The following CREB5 variants were observed in gnomAD, a reference collection of about 807,000 sequenced individuals.
CREB5 encodes cAMP responsive element binding protein 5.
In CREB5, 19 loss-of-function variants were observed where a neutral mutation model predicts 57.1. The ratio of observed to expected loss-of-function variants is 0.33; its 90% CI spans 0.23 to 0.49. The LOEUF is 0.49. Ranked by LOEUF, CREB5 falls within the 20% of genes least tolerant of loss-of-function variation. The pLI is 0.99. For synonymous variants in CREB5, 238 were observed against 238.3 expected, an observed-to-expected ratio of 1.00 and a Z score of 0.01; for missense variants, 579 against 671.6, an observed-to-expected ratio of 0.86 and a Z score of 1.52.
Position 28,561,001 on chromosome 7 carries a change from T to TGTGTGC in CREB5, c.292-9361_292-9360insTGCGTG, listed in dbSNP as rs1562798396. Among the ~76,000 whole-genome samples the TGTGTGC allele has an allele frequency of 2.0e-3, 51 of 25,258 alleles. 3 individuals are homozygous for TGTGTGC. Among genetic ancestry groups the TGTGTGC allele is most frequent in the Middle Eastern group, 0.021 (1 of 48 alleles). 16.6% of individuals were successfully genotyped at this position (25,258 alleles called of 152,430 possible). On this transcript the variant is annotated intron_variant, in intron 4 of 10. Coordinates refer to ENST00000357727, the MANE Select transcript of CREB5 (RefSeq NM_182898.4). ...GTGTGCGTGCGTGTGTGTGCCTGCGTGTGCGTGTGTGTGTGCGTGTGTGCG... is the reference window on the plus strand; with the variant it reads ...GTGTGCGTGCGTGTGTGTGCCTGCGTGTGTGCGTGCGTGTGTGTGTGCGTGTGTGCG...
chr7:28,499,558 A>G (rs899404992), intron 3 of CREB5, among the ~76,000 whole-genome samples: 3 of 152,154 alleles, frequency 2.0e-5, no homozygotes, highest in African/African-American at 7.2e-5. Context: ...CCTAAGAAAG[A>G]TAAGAAAGAC....
intron 1 of CREB5, among the ~76,000 whole-genome samples, chr7:28,442,412 G>A (rs149513504): frequency 2.0e-5 from 3 of 152,224 alleles, no homozygotes; most frequent in East Asian, 3.9e-4. Context: ...TGGGGGTGCA[G>A]GTGTCCCTTT....
At chr7:28,701,604 T>C (rs1801864667) in intron 5 of CREB5, among the ~76,000 whole-genome samples, 1 of 152,186 alleles carries the variant, frequency 6.6e-6, no homozygotes, top group African/African-American at 2.4e-5. Flanking sequence ...GGGGTATATA[T>C]TTCTATCTAA....
At chr7:28,730,342 C>T (rs1004204650) in intron 7 of CREB5, among the ~76,000 whole-genome samples, 6 of 142,914 alleles carry the variant, frequency 4.2e-5, no homozygotes, top group African/African-American at 1.6e-4. Context: ...GATGCGCCAC[C>T]ACACCCAGAT....
At chr7:28,463,357 A>G (rs570935232) in intron 1 of CREB5, among the ~76,000 whole-genome samples, 82 of 152,260 alleles carry the variant, frequency 5.4e-4, no homozygotes, top group Non-Finnish European at 9.4e-4. Context: ...TTGAAATCAG[A>G]ATGTGTGAAT....
upstream of CREB5, chr7:28,410,021 A>G (rs1460272430): frequency 1.1e-5 from 5 of 451,022 alleles, no homozygotes; most frequent in South Asian, 6.3e-5. Context: ...GAAAGTTTGC[A>G]AACTTCCAGC....
intron 7 of CREB5, among the ~76,000 whole-genome samples, chr7:28,803,525 G>A (rs575493168): frequency 5.3e-5 from 8 of 152,232 alleles, no homozygotes; most frequent in East Asian, 1.9e-4. Flanking sequence ...TTAGGAGGCC[G>A]AGGCAGATGG....
intron 4 of CREB5, among the ~76,000 whole-genome samples, chr7:28,549,699 GT>G (rs910930188): frequency 2.0e-4 from 30 of 147,602 alleles, no homozygotes; most frequent in East Asian, 1.2e-3. Flanking sequence ...CTGGATGCCT[GT>G]TTTTTTTTTA....
At chr7:28,673,719 C>T (rs572421250) in intron 5 of CREB5, among the ~76,000 whole-genome samples, 66 of 120,230 alleles carry the variant, frequency 5.5e-4, no homozygotes, top group African/African-American at 2.0e-3. Flanking sequence ...GCCACCCAGG[C>T]GGGAGTGCAG....
intron 1 of CREB5, among the ~76,000 whole-genome samples, chr7:28,370,315 C>T (rs1253578695): frequency 6.6e-6 from 1 of 152,170 alleles, no homozygotes; most frequent in Non-Finnish European, 1.5e-5. Context: ...AAATACTCAA[C>T]ATCTCTCTGC....
chr7:28,796,507 T>C (rs889575406), intron 7 of CREB5, among the ~76,000 whole-genome samples: 2 of 152,216 alleles, frequency 1.3e-5, no homozygotes, highest in Admixed American at 1.3e-4. Context: ...TGTATATCTT[T>C]ATGGTTTACA....
chr7:28,603,950 T>C (rs1320388242), intron 5 of CREB5, among the ~76,000 whole-genome samples: 1 of 152,178 alleles, frequency 6.6e-6, no homozygotes, highest in Non-Finnish European at 1.5e-5. Context: ...GCAGTGCTTA[T>C]GTAAGAATAC....
At chr7:28,357,038 T>C (rs936284550) in intron 1 of CREB5, among the ~76,000 whole-genome samples, 1 of 152,176 alleles carries the variant, frequency 6.6e-6, no homozygotes, top group South Asian at 2.1e-4. Context: ...CCAAGGGCCC[T>C]GGCACACACT....
chr7:28,409,734 G>C, upstream of CREB5: 1 of 342,066 alleles, frequency 2.9e-6, no homozygotes. This position sits in a 1 kb window ranked among gnomAD's most constrained non-coding sequence, Gnocchi z 4.4. Flanking sequence ...ACCCCGCGCC[G>C]CGTGAGTGCC....
intron 7 of CREB5, among the ~76,000 whole-genome samples, chr7:28,802,596 A>G (rs1289396144): frequency 1.3e-5 from 2 of 152,258 alleles, no homozygotes; most frequent in Non-Finnish European, 2.9e-5. Flanking sequence ...CTTGCCAATT[A>G]GACAATCATC....
chr7:28,770,287 T>C (rs1806251851), intron 7 of CREB5, among the ~76,000 whole-genome samples: 1 of 152,190 alleles, frequency 6.6e-6, no homozygotes, highest in Admixed American at 6.5e-5. Flanking sequence ...TTGCAGTCTT[T>C]CTTGGGCATC....
chr7:28,724,198 ATTCTT>A lies in CREB5; in HGVS notation c.592-17_592-13del, dbSNP rs746574471. 7 of 1,602,790 alleles carry A rather than the reference ATTCTT, an allele frequency of 4.4e-6. No individual in the cohort carries two copies. The highest frequency in any genetic ancestry group is 6.0e-6 in the Non-Finnish European group (7 of 1,174,170). On this transcript the variant is annotated intron_variant, in intron 6 of 10. Coordinates refer to ENST00000357727, the MANE Select transcript of CREB5 (RefSeq NM_182898.4). ...CCTAGACTGCCTTTGCAGACTTCTAATTCTTTTCTTTCCTTTCTCTTAGATGGAGC... is the reference window on the plus strand; with the variant it reads ...CCTAGACTGCCTTTGCAGACTTCTAATTCTTTCCTTTCTCTTAGATGGAGC...
At chr7:28,554,868 A>G (rs1794797395) in intron 4 of CREB5, among the ~76,000 whole-genome samples, 1 of 152,232 alleles carries the variant, frequency 6.6e-6, no homozygotes, top group South Asian at 2.1e-4. Context: ...AGGGAAGCGG[A>G]CTTGGGGAGA....
upstream of CREB5, among the ~76,000 whole-genome samples, chr7:28,408,569 C>T (rs1356653637): frequency 6.6e-6 from 1 of 152,144 alleles, no homozygotes; most frequent in Non-Finnish European, 1.5e-5. Flanking sequence ...AAGTGACAGC[C>T]AAGGGCCCTT....
Sources: allele counts gnomAD v4.1 joint callset (sites outside exome capture counted in the v4.1 genomes callset), GRCh38; gene constraint gnomAD v4.1.1; non-coding constraint Gnocchi (gnomAD v3.1); transcripts MANE v1.5; gene names NCBI Gene and HGNC (gene_info 2026-07-23, HGNC 2026-07-21).